PALLD: variants seen among roughly 807,000 people sequenced by gnomAD.
PALLD encodes palladin.
Under a neutral mutation model 123.5 loss-of-function variants are expected in PALLD, and 61 were observed. The ratio of observed to expected loss-of-function variants is 0.49; its 90% CI spans 0.40 to 0.61. PALLD has a LOEUF of 0.61. PALLD is among the 20% of genes least tolerant of loss of function. The pLI is 0.00. For synonymous variants in PALLD, 465 were observed against 496.4 expected (o/e 0.94, Z 0.84); for missense variants, 1,273 against 1,377.0 (o/e 0.92, Z 1.20).
At chr4:168,635,164 T>C (rs1184965972) in intron 2 of PALLD, among the ~76,000 whole-genome samples, 1 of 152,244 alleles carries the variant, frequency 6.6e-6, no homozygotes, top group Non-Finnish European at 1.5e-5. Flanking sequence ...ATATCAGTAC[T>C]GACAGTGTAT....
At chr4:168,842,678 C>A (rs1225216184) in intron 10 of PALLD, among the ~76,000 whole-genome samples, 3 of 152,220 alleles carry the variant, frequency 2.0e-5, no homozygotes, top group African/African-American at 7.2e-5. Flanking sequence ...AGGAGTGCTA[C>A]TTTCTTCTCA....
chr4:168,513,083 T>G (rs535466538), intron 2 of PALLD, among the ~76,000 whole-genome samples: 6 of 148,814 alleles, frequency 4.0e-5, no homozygotes, highest in Admixed American at 4.0e-4. Context: ...AAAAAAAGAT[T>G]CTCATATACA....
intron 10 of PALLD, among the ~76,000 whole-genome samples, chr4:168,784,363 A>G (rs929875169): frequency 6.6e-6 from 1 of 152,106 alleles, no homozygotes; most frequent in Non-Finnish European, 1.5e-5. Flanking sequence ...AAGAAAAGAA[A>G]AGAAAAGAGA....
intron 10 of PALLD, among the ~76,000 whole-genome samples, chr4:168,836,388 C>T (rs1226301084): frequency 6.6e-6 from 1 of 152,158 alleles, no homozygotes; most frequent in African/African-American, 2.4e-5. Flanking sequence ...AAGAAATGAG[C>T]AATAACCGTT....
intron 10 of PALLD, among the ~76,000 whole-genome samples, chr4:168,866,071 G>T (rs975382399): frequency 1.3e-5 from 2 of 151,718 alleles, no homozygotes; most frequent in Non-Finnish European, 2.9e-5. Flanking sequence ...CTTGAGCCTG[G>T]GCAACATAGT....
intron 10 of PALLD, among the ~76,000 whole-genome samples, chr4:168,717,107 GT>G (rs924372425): frequency 1.3e-5 from 2 of 151,690 alleles, no homozygotes; most frequent in Admixed American, 6.6e-5. Flanking sequence ...CTTGCTTTTT[GT>G]TTTTTTTAAT....
intron 2 of PALLD, among the ~76,000 whole-genome samples, chr4:168,636,606 G>A (rs1776371826): frequency 6.6e-6 from 1 of 152,182 alleles, no homozygotes; most frequent in Non-Finnish European, 1.5e-5. Flanking sequence ...GCAAAAATGA[G>A]ACATTTGGCC....
chr4:168,896,059 A>C (rs915619167), intron 12 of PALLD, among the ~76,000 whole-genome samples: 1 of 152,094 alleles, frequency 6.6e-6, no homozygotes, highest in Non-Finnish European at 1.5e-5. Context: ...AAAATACAAA[A>C]ATTAGCCGGG....
At chr4:168,750,549 C>G (rs576188215) in intron 10 of PALLD, among the ~76,000 whole-genome samples, 3 of 152,158 alleles carry the variant, frequency 2.0e-5, no homozygotes, top group African/African-American at 7.2e-5. Flanking sequence ...TATTTTTTAA[C>G]AAAATTGGCC....
At chr4:168,877,651 T>G in intron 10 of PALLD, 23 of 800,684 alleles carry the variant, frequency 2.9e-5, no homozygotes, top group South Asian at 5.9e-5. Flanking sequence ...GTCCACAAGC[T>G]GAGCTCACTC....
chr4:168,542,260 G>T (rs761100069), intron 2 of PALLD, among the ~76,000 whole-genome samples: 1 of 151,984 alleles, frequency 6.6e-6, no homozygotes, highest in African/African-American at 2.4e-5. Context: ...AACTAAAACC[G>T]CCACTCATGG....
intron 10 of PALLD, among the ~76,000 whole-genome samples, chr4:168,888,453 A>G (rs1468638837): frequency 6.6e-6 from 1 of 152,158 alleles, no homozygotes; most frequent in Non-Finnish European, 1.5e-5. Flanking sequence ...GGGCCCAGGT[A>G]TTCTCCATCT....
At chr4:168,775,877 C>T (rs1735112014) in intron 10 of PALLD, among the ~76,000 whole-genome samples, 1 of 152,128 alleles carries the variant, frequency 6.6e-6, no homozygotes, top group Non-Finnish European at 1.5e-5. Flanking sequence ...GGACTCTATT[C>T]TGTTCAATTA....
intron 10 of PALLD, among the ~76,000 whole-genome samples, chr4:168,833,763 T>C (rs1030719974): frequency 6.7e-6 from 1 of 149,164 alleles, no homozygotes; most frequent in Non-Finnish European, 1.5e-5. Context: ...CCCAAAACAA[T>C]TTTTTTCCCC....
chr4:168,664,022 A>G (rs996200704), intron 2 of PALLD, among the ~76,000 whole-genome samples: 2 of 152,230 alleles, frequency 1.3e-5, no homozygotes, highest in Non-Finnish European at 2.9e-5. Context: ...TGCTACATAC[A>G]TATTACATCT....
At chr4:168,797,038 C>T (rs1239856811) in intron 10 of PALLD, among the ~76,000 whole-genome samples, 1 of 152,070 alleles carries the variant, frequency 6.6e-6, no homozygotes, top group East Asian at 1.9e-4. Context: ...AGAAACTCAC[C>T]AAATTGAGTT....
Position 168,743,180 on chromosome 4 carries a change from G to T in PALLD, c.1964+31257G>T, listed in dbSNP as rs939689011. 3.3e-5 allele frequency among the ~76,000 whole-genome samples: 5 copies of T among 151,332 alleles called. No individual in the cohort carries two copies. The East Asian group carries it at 9.8e-4, about 30-fold the overall frequency. On this transcript the variant is annotated intron_variant, in intron 10 of 21. Coordinates refer to ENST00000505667, the MANE Select transcript of PALLD (RefSeq NM_001166108.2). ...ATATCTTATTCTTTACCTTGCCCCA[G>T]CCCCTGCCCTGGTGTTTGGCACATA...
chr4:168,751,813 A>C (rs1350516494), intron 10 of PALLD, among the ~76,000 whole-genome samples: 1 of 152,174 alleles, frequency 6.6e-6, no homozygotes, highest in Non-Finnish European at 1.5e-5. Flanking sequence ...TTGTGATTTT[A>C]GTGGTTAGAA....
intron 10 of PALLD, chr4:168,756,288 G>T: frequency 9.7e-6 from 2 of 206,216 alleles, no homozygotes; most frequent in South Asian, 1.4e-4. Context: ...CAGCTGCTTT[G>T]ACTCAGCAAA....
Sources: allele counts gnomAD v4.1 joint callset (sites outside exome capture counted in the v4.1 genomes callset), GRCh38; gene constraint gnomAD v4.1.1; transcripts MANE v1.5; gene names NCBI Gene and HGNC (gene_info 2026-07-23, HGNC 2026-07-21).